Variants in BIVM observed in about 807,000 individuals in gnomAD.
BIVM encodes the protein basic, immunoglobulin-like variable motif containing, also known as basic immunoglobulin-like variable motif-containing protein.
In BIVM, 31 loss-of-function variants were observed where a neutral mutation model predicts 61.4. That is an observed-to-expected ratio of 0.51 (90% CI 0.38 to 0.68). The LOEUF is 0.68. Ranked by LOEUF, BIVM falls within the 30% of genes least tolerant of loss-of-function variation. The pLI is 0.00. For synonymous variants in BIVM, 189 were observed against 210.7 expected (o/e 0.90, Z 0.89); for missense variants, 526 against 596.0 (o/e 0.88, Z 1.22).
At chr13:102,815,042 TCAAAA>T (rs1424492414) in intron 3 of BIVM, among the ~76,000 whole-genome samples, 1 of 151,234 alleles carries the variant, frequency 6.6e-6, no homozygotes, top group Non-Finnish European at 1.5e-5. Flanking sequence ...AGACCTTGTC[TCAAAA>T]CAAACAAACA....
At chr13:102,803,039 A>G (rs1286953546) in intron 1 of BIVM, among the ~76,000 whole-genome samples, 1 of 151,366 alleles carries the variant, frequency 6.6e-6, no homozygotes, top group East Asian at 2.0e-4. Context: ...AATATTCTCC[A>G]TGGCTGGGCA....
chr13:102,825,067 C>T (rs938902487), intron 7 of BIVM, among the ~76,000 whole-genome samples: 9 of 152,156 alleles, frequency 5.9e-5, no homozygotes, highest in East Asian at 1.9e-4. Context: ...CTCAGCCTCC[C>T]GAGTAGCTGG....
In BIVM at chr13:102,821,127, T is replaced by A; in HGVS notation, c.696T>A (p.Ala232=). 6.2e-7 allele frequency: 1 copy of A among 1,610,444 alleles called. No individual in the cohort carries two copies. The highest frequency in any genetic ancestry group is 8.5e-7 in the Non-Finnish European group (1 of 1,179,150). The part of the protein sequence containing the change: ...CWNFLYSTMG[A]GNLPPITQEE... ...ATTTCTTATACAGCACAATGGGAGC[T>A]GGAAAGTAAGTATGTCAATTTATCA... The change falls in exon 5 of 11, where the codon GCT becomes GCA. Residue 232 remains alanine (A), a synonymous_variant. Transcript: ENST00000257336.
At chr13:102,821,408 A>G (rs981177410) in intron 5 of BIVM, among the ~76,000 whole-genome samples, 10 of 152,166 alleles carry the variant, frequency 6.6e-5, no homozygotes, top group African/African-American at 2.4e-4. Flanking sequence ...CAGCCTGGGC[A>G]ACAAAGCAAG....
chr13:102,807,247 GA>G lies in BIVM; in HGVS notation c.-18del. 6.4e-7 allele frequency: 1 copy of G among 1,556,510 alleles called. No homozygotes were observed. On this transcript the variant is annotated 5_prime_UTR_variant, in exon 3 of 11. Transcript: ENST00000257336. This position sits in a 1 kb window ranked among gnomAD's most constrained non-coding sequence, Gnocchi z 4.0. Reference sequence around the variant, plus strand: ...GAGTTGCAACTTGTTTCTAGTAATAGAAACTTTTACACTGCATTCAATGCCT... The same window carrying G: ...GAGTTGCAACTTGTTTCTAGTAATAGAACTTTTACACTGCATTCAATGCCT...
intron 7 of BIVM, among the ~76,000 whole-genome samples, chr13:102,825,062 C>T (rs1880576038): frequency 6.6e-6 from 1 of 152,116 alleles, no homozygotes; most frequent in African/African-American, 2.4e-5. Flanking sequence ...CCTGCCTCAG[C>T]CTCCCGAGTA....
At chr13:102,837,895 C>A (rs1267552475) in intron 9 of BIVM, among the ~76,000 whole-genome samples, 1 of 152,072 alleles carries the variant, frequency 6.6e-6, no homozygotes, top group East Asian at 1.9e-4. Flanking sequence ...TTGGGGACTC[C>A]TGAGGGCAGT....
Position 102,815,755 on chromosome 13 carries a change from TTGTA to T in BIVM, c.479-669_479-666del, listed in dbSNP as rs150355201. ...GCCTTGAGGGTCTTTTGGAGAATGT[TTGTA>T]TGTGTGTGCATGTATGAGTGTGTGT... On this transcript the variant is annotated intron_variant, in intron 3 of 10. Transcript: ENST00000257336. 6.1e-3 allele frequency among the ~76,000 whole-genome samples: 931 copies of T among 152,284 alleles called. 15 individuals carry two copies. Among genetic ancestry groups the T allele is most frequent in the African/African-American group, 0.021 (883 of 41,540 alleles).
chr13:102,838,652 T>C lies in BIVM; in HGVS notation c.1131T>C (p.Asp377=). The change falls in exon 10 of 11, where the codon GAT becomes GAC. Residue 377 remains aspartate (D), a synonymous_variant. Coordinates refer to ENST00000257336, the MANE Select transcript of BIVM (RefSeq NM_017693.4). ...HPAIHCKKWA[D]IVTDLNTQNP... ...TTCTTCTTAACTATAGATGGGCAGA[T>C]ATTGTTACTGATCTAAACACTCAAA... is the stretch of plus-strand genomic sequence containing the variant. 3 of 1,610,654 alleles carry C rather than the reference T, an allele frequency of 1.9e-6. No homozygotes were observed. The highest frequency in any genetic ancestry group is 2.5e-6 in the Non-Finnish European group (3 of 1,178,214).
chr13:102,834,492 T>G lies in BIVM; in HGVS notation c.1061T>G (p.Val354Gly). The change falls in exon 9 of 11, where the codon GTT becomes GGT. Residue 354 changes from valine to glycine, a missense_variant. By Grantham distance (109) the Val-to-Gly change is moderately radical. This residue lies in a region of BIVM where 210 missense variants were observed against 233.1 expected (regional missense o/e 0.90). Coordinates refer to ENST00000257336, the MANE Select transcript of BIVM (RefSeq NM_017693.4). ...AGGGGACCTCTCTCACCACAGGAAG[T>G]TGAATATTGGATCTTAATTGGAGAA... ...FSRGPLSPQE[V>G]EYWILIGESS... 1 of 1,598,530 alleles carries G rather than the reference T, an allele frequency of 6.3e-7. No individual in the cohort carries two copies. Among genetic ancestry groups the G allele is most frequent in the East Asian group, 2.3e-5 (1 of 44,144 alleles).
intron 2 of BIVM, among the ~76,000 whole-genome samples, chr13:102,806,119 A>T (rs1879060696): frequency 6.6e-6 from 1 of 152,112 alleles, no homozygotes; most frequent in Admixed American, 6.5e-5. Context: ...GAGGGTTATG[A>T]TTTCTCCACG....
chr13:102,805,271 A>C (rs544911263), intron 1 of BIVM, 36 bp from the exon 2 acceptor site: 1 of 152,312 alleles, frequency 6.6e-6, no homozygotes, highest in South Asian at 2.1e-4. Flanking sequence ...GCATGCCCTC[A>C]GTTGCTATTT....
chr13:102,800,915 T>C (rs1245223589), intron 1 of BIVM, among the ~76,000 whole-genome samples: 1 of 152,218 alleles, frequency 6.6e-6, no homozygotes, highest in Non-Finnish European at 1.5e-5. Flanking sequence ...TCGATCAGGG[T>C]ATTTTGTTAT....
At chr13:102,831,433 G>A in intron 7 of BIVM, 132 bp from the exon 8 acceptor site, 1 of 1,378,272 alleles carries the variant, frequency 7.3e-7, no homozygotes, top group Non-Finnish European at 9.7e-7. Context: ...ATAGCTTCTT[G>A]TTTTTCCCCA....
intron 3 of BIVM, among the ~76,000 whole-genome samples, chr13:102,808,966 TTTTGTTAATC>T (rs1248239573): frequency 6.6e-6 from 1 of 152,084 alleles, no homozygotes; most frequent in African/African-American, 2.4e-5. Context: ...AGTTTATCAA[TTTTGTTAATC>T]TTTTCAAATA....
At chr13:102,834,842 A>G (rs750372341) in intron 9 of BIVM, among the ~76,000 whole-genome samples, 2 of 152,110 alleles carry the variant, frequency 1.3e-5, no homozygotes, top group Non-Finnish European at 2.9e-5. Context: ...TCAATATCTT[A>G]AGTAACATTT....
In BIVM at chr13:102,839,965, A is replaced by G; in HGVS notation, c.*100A>G. On this transcript the variant is annotated 3_prime_UTR_variant, in exon 11 of 11. Coordinates refer to ENST00000257336, the MANE Select transcript of BIVM (RefSeq NM_017693.4). ...TTTTAGTAAGCCTACATTAAATAGG[A>G]GCAGATCTTGTGGTATAAAAAATAA... The G allele has an allele frequency of 7.9e-7, 1 of 1,265,716 alleles. No homozygotes were observed. Among genetic ancestry groups the G allele is most frequent in the Non-Finnish European group, 1.1e-6 (1 of 921,418 alleles). The allele number at this position is 1,265,716 out of a possible 1,614,324, so 78.4% of individuals were successfully genotyped here.
chr13:102,825,854 G>A (rs1174763980), intron 7 of BIVM, among the ~76,000 whole-genome samples: 1 of 152,072 alleles, frequency 6.6e-6, no homozygotes, highest in South Asian at 2.1e-4. Context: ...CAATCCCTTC[G>A]TCTCCTGGGT....
Position 102,821,149 on chromosome 13 carries a change from A to G in BIVM, c.701+17A>G, listed in dbSNP as rs777601002. ...AGCTGGAAAGTAAGTATGTCAATTT[A>G]TCAGTACCCCCAAACTCCAAAGTAA... On this transcript the variant is annotated intron_variant, in intron 5 of 10. Transcript: ENST00000257336. 4.4e-6 allele frequency: 7 copies of G among 1,597,670 alleles called. No homozygotes were observed. Among genetic ancestry groups the G allele is most frequent in the Admixed American group, 1.8e-5 (1 of 56,702 alleles).
Sources: gnomAD v4.1 joint callset for allele counts (sites outside exome capture counted in the v4.1 genomes callset) on GRCh38, gnomAD v4.1.1 for gene constraint, gnomAD v4.1.1 regional missense constraint, Gnocchi (gnomAD v3.1) non-coding constraint, MANE v1.5 for transcripts, NCBI Gene and HGNC (gene_info 2026-07-23, HGNC 2026-07-21) for gene names.